KCTD8: variants seen among roughly 807,000 people sequenced by gnomAD.
KCTD8 encodes the protein BTB/POZ domain-containing protein KCTD8.
A neutral mutation model predicts 31.5 loss-of-function variants in KCTD8; 27 were observed. That is an observed-to-expected ratio of 0.86 (90% CI 0.63 to 1.18). The LOEUF is 1.18. Ranked by LOEUF, KCTD8 falls within the 50% of genes most tolerant of loss-of-function variation. The probability of loss-of-function intolerance (pLI) is 0.00; values close to 1 mark genes in which losing one functional copy is unlikely to be tolerated. For synonymous variants in KCTD8, 290 were observed against 280.0 expected, an observed-to-expected ratio of 1.04 and a Z score of -0.36; for missense variants, 658 against 647.7, an observed-to-expected ratio of 1.02 and a Z score of -0.17.
At chr4:44,360,475 G>C (rs900191228) in intron 1 of KCTD8, among the ~76,000 whole-genome samples, 4 of 151,958 alleles carry the variant, frequency 2.6e-5, no homozygotes, top group Non-Finnish European at 5.9e-5. Context: ...CAAGTTGCCA[G>C]AAGGAAAACA....
At chr4:44,208,490 G>A (rs1349780297) in intron 1 of KCTD8, among the ~76,000 whole-genome samples, 1 of 152,036 alleles carries the variant, frequency 6.6e-6, no homozygotes, top group African/African-American at 2.4e-5. Flanking sequence ...TCCTAATTAG[G>A]ATCATCATAT....
At chr4:44,329,161 A>C (rs1577618973) in intron 1 of KCTD8, among the ~76,000 whole-genome samples, 2 of 149,378 alleles carry the variant, frequency 1.3e-5, no homozygotes, top group Admixed American at 1.3e-4. Context: ...TAAATCCTCC[A>C]CTTTTTTTTT....
chr4:44,431,868 G>C (rs111627208), intron 1 of KCTD8, among the ~76,000 whole-genome samples: 3,550 of 151,598 alleles, frequency 0.023, 61 homozygotes, highest in Non-Finnish European at 0.04. Context: ...CAGTTTGGCT[G>C]TTGGTCAAAA....
At chr4:44,415,121 A>C (rs1296286125) in intron 1 of KCTD8, among the ~76,000 whole-genome samples, 4 of 152,090 alleles carry the variant, frequency 2.6e-5, no homozygotes, top group Non-Finnish European at 4.4e-5. Flanking sequence ...CTAGCAAAAA[A>C]CCTGGCTGCA....
chr4:44,276,385 G>A (rs1716751313), intron 1 of KCTD8, among the ~76,000 whole-genome samples: 1 of 151,804 alleles, frequency 6.6e-6, no homozygotes, highest in Non-Finnish European at 1.5e-5. Context: ...AGAATTCTAA[G>A]TTATATAGTT....
chr4:44,411,987 G>A (rs1157514272), intron 1 of KCTD8, among the ~76,000 whole-genome samples: 1 of 152,114 alleles, frequency 6.6e-6, no homozygotes, highest in African/African-American at 2.4e-5. Flanking sequence ...CTTTGTTACA[G>A]GAGCCCTAGG....
chr4:44,207,695 T>A (rs1177618195), intron 1 of KCTD8, among the ~76,000 whole-genome samples: 1 of 152,188 alleles, frequency 6.6e-6, no homozygotes. Flanking sequence ...ATCTCCTTAA[T>A]TCTGTGGGCA....
Position 44,448,230 on chromosome 4 carries a change from G to A in KCTD8, c.294C>T (p.Phe98=). ...TGAAAAGGAAGCCGTCCCGGTCGAT[G>A]AAGAAGCGCGCCCGGCTGTCCCTGG... The part of the protein sequence containing the change: ...ELPRDSRARF[F]IDRDGFLFRY... The change falls in exon 1 of 2, where the codon TTC becomes TTT. Residue 98 remains phenylalanine, a synonymous_variant. Transcript: ENST00000360029. This position sits in a 1 kb window ranked among gnomAD's most constrained non-coding sequence, Gnocchi z 4.1. 5.6e-6 allele frequency: 9 copies of A among 1,611,874 alleles called. No individual in the cohort carries two copies. Among genetic ancestry groups the A allele is most frequent in the Non-Finnish European group, 7.6e-6 (9 of 1,179,492 alleles).
At chr4:44,235,578 TAGAGAG>T (rs371875444) in intron 1 of KCTD8, among the ~76,000 whole-genome samples, 120 of 64,108 alleles carry the variant, frequency 1.9e-3, no homozygotes, top group African/African-American at 5.3e-3. Flanking sequence ...TATATATATT[TAGAGAG>T]AGAGAGAGAG....
At chr4:44,424,235 C>G (rs926040932) in intron 1 of KCTD8, among the ~76,000 whole-genome samples, 1 of 152,022 alleles carries the variant, frequency 6.6e-6, no homozygotes, top group African/African-American at 2.4e-5. Context: ...CTGGGTCTCT[C>G]ACCACCATCC....
chr4:44,283,222 G>A (rs1032947496), intron 1 of KCTD8, among the ~76,000 whole-genome samples: 1 of 151,900 alleles, frequency 6.6e-6, no homozygotes, highest in African/African-American at 2.4e-5. Context: ...GCTAATTTTT[G>A]TATTTTTAGT....
At chr4:44,348,303 T>A (rs982597013) in intron 1 of KCTD8, among the ~76,000 whole-genome samples, 14 of 152,250 alleles carry the variant, frequency 9.2e-5, no homozygotes, top group South Asian at 4.1e-4. Context: ...TTTAAATAAA[T>A]GCAATAATGC....
intron 1 of KCTD8, among the ~76,000 whole-genome samples, chr4:44,203,967 T>C (rs937826829): frequency 6.6e-5 from 10 of 151,948 alleles, no homozygotes; most frequent in African/African-American, 2.4e-4. Context: ...TGCAAATGCC[T>C]TTATGGAAAC....
intron 1 of KCTD8, among the ~76,000 whole-genome samples, chr4:44,276,303 A>G (rs4695706): frequency 0.91 from 138,186 of 152,068 alleles, 62,997 homozygotes; most frequent in East Asian, 1. Context: ...TATTAATTAT[A>G]TGTATGCTTC....
intron 1 of KCTD8, among the ~76,000 whole-genome samples, chr4:44,296,541 A>G (rs1486139877): frequency 1.3e-5 from 2 of 152,144 alleles, no homozygotes; most frequent in East Asian, 3.8e-4. Flanking sequence ...TAATTTACAT[A>G]TCTGTTCTGT....
intron 1 of KCTD8, among the ~76,000 whole-genome samples, chr4:44,365,544 A>G (rs1226183525): frequency 1.3e-5 from 2 of 152,200 alleles, no homozygotes; most frequent in Non-Finnish European, 2.9e-5. Flanking sequence ...AAAAAAAACA[A>G]GGTAAATGAA....
intron 1 of KCTD8, among the ~76,000 whole-genome samples, chr4:44,184,660 A>G (rs1713527578): frequency 6.6e-6 from 1 of 152,254 alleles, no homozygotes; most frequent in Non-Finnish European, 1.5e-5. Context: ...CTTCATCAGA[A>G]TAGTTGCTTA....
intron 1 of KCTD8, among the ~76,000 whole-genome samples, chr4:44,283,645 C>T (rs1408320347): frequency 6.6e-6 from 1 of 151,944 alleles, no homozygotes; most frequent in African/African-American, 2.4e-5. Context: ...TATTTTAAGC[C>T]CACTATTGAG....
At chr4:44,239,469 A>G (rs1341318308) in intron 1 of KCTD8, among the ~76,000 whole-genome samples, 2 of 152,234 alleles carry the variant, frequency 1.3e-5, no homozygotes, top group Non-Finnish European at 1.5e-5. Flanking sequence ...GAAATGAGGT[A>G]GCATATGGAA....
Sources: allele counts gnomAD v4.1 joint callset (sites outside exome capture counted in the v4.1 genomes callset), GRCh38; gene constraint gnomAD v4.1.1; non-coding constraint Gnocchi (gnomAD v3.1); transcripts MANE v1.5; gene names NCBI Gene and HGNC (gene_info 2026-07-23, HGNC 2026-07-21).